TMEM117: variants seen among roughly 807,000 people sequenced by gnomAD.
TMEM117 encodes the protein transmembrane protein 117.
TMEM117 carries 27 observed loss-of-function variants against 52.4 expected under a neutral mutation model. The ratio of observed to expected loss-of-function variants is 0.51; its 90% CI spans 0.38 to 0.71. The LOEUF (loss-of-function observed/expected upper bound fraction) is 0.71, where lower values mean the gene tolerates loss of function less well. TMEM117 is among the 30% of genes least tolerant of loss of function. The probability of loss-of-function intolerance (pLI) is 0.00; values close to 1 mark genes in which losing one functional copy is unlikely to be tolerated. For missense variants in TMEM117, 556 were observed against 630.5 expected, an observed-to-expected ratio of 0.88 and a Z score of 1.26; for synonymous variants, 215 against 206.3, an observed-to-expected ratio of 1.04 and a Z score of -0.36.
intron 5 of TMEM117, among the ~76,000 whole-genome samples, chr12:44,258,175 A>G (rs1355476867): frequency 2.0e-5 from 3 of 152,094 alleles, no homozygotes; most frequent in Admixed American, 6.6e-5. Flanking sequence ...AACAAAATGC[A>G]TTTTTTATGT....
chr12:44,346,957 G>A (rs1285242072), intron 6 of TMEM117, among the ~76,000 whole-genome samples: 2 of 152,022 alleles, frequency 1.3e-5, no homozygotes, highest in Non-Finnish European at 2.9e-5. Flanking sequence ...CTAGGCCAAT[G>A]AATTAGTTTT....
At chr12:44,115,789 T>A (rs1948131040) in intron 3 of TMEM117, among the ~76,000 whole-genome samples, 1 of 152,216 alleles carries the variant, frequency 6.6e-6, no homozygotes, top group African/African-American at 2.4e-5. Context: ...CCTGGGCTGG[T>A]GTCTCTGCAC....
intron 4 of TMEM117, among the ~76,000 whole-genome samples, chr12:44,185,348 T>G (rs1343177699): frequency 6.6e-6 from 1 of 152,142 alleles, no homozygotes; most frequent in African/African-American, 2.4e-5. Context: ...GATAAAGATT[T>G]TTTCCTATTT....
chr12:43,800,399 A>G, the TMEM117 span: 2 of 1,512,212 alleles, frequency 1.3e-6, no homozygotes, highest in Admixed American at 1.8e-5. Flanking sequence ...AATCATTTTA[A>G]TTGCAACATA....
intron 3 of TMEM117, chr12:44,073,448 A>G (rs1053646246): frequency 1.3e-5 from 2 of 152,110 alleles, no homozygotes; most frequent in Non-Finnish European, 2.9e-5. Flanking sequence ...TTAAGTAACT[A>G]AAGAATGTAA....
At chr12:44,137,505 T>C (rs554171087) in intron 3 of TMEM117, among the ~76,000 whole-genome samples, 34 of 152,110 alleles carry the variant, frequency 2.2e-4, no homozygotes, top group Non-Finnish European at 4.6e-4. Flanking sequence ...TTCTTATCCA[T>C]GTTGTCTTAG....
rs569831416 is a variant in TMEM117, at chr12:43,995,660, A to AG, written c.410+51319dup. ...GCAATATACACTGTACCCAATATGT[A>AG]GTCTTTCATCTCTCACCTCCCTCCC... is the stretch of plus-strand genomic sequence containing the variant. On this transcript the variant is annotated intron_variant, in intron 3 of 7. Coordinates refer to ENST00000266534, the MANE Select transcript of TMEM117 (RefSeq NM_032256.3). 2.0e-5 allele frequency among the ~76,000 whole-genome samples: 3 copies of AG among 152,308 alleles called. No homozygotes were observed. In the South Asian group the frequency reaches 6.2e-4, roughly 32 times the overall value.
intron 2 of TMEM117, among the ~76,000 whole-genome samples, chr12:43,902,079 TTC>T (rs1172727824): frequency 6.6e-6 from 1 of 152,242 alleles, no homozygotes; most frequent in Non-Finnish European, 1.5e-5. Flanking sequence ...CAATTGTGCA[TTC>T]TGTTAGTGAA....
chr12:43,969,558 A>G (rs530555226), intron 3 of TMEM117, among the ~76,000 whole-genome samples: 17 of 152,026 alleles, frequency 1.1e-4, no homozygotes, highest in African/African-American at 4.1e-4. Context: ...TTATATTTTC[A>G]TCCTCGTATG....
At chr12:44,034,539 T>G (rs991302958) in intron 3 of TMEM117, among the ~76,000 whole-genome samples, 1 of 152,238 alleles carries the variant, frequency 6.6e-6, no homozygotes, top group Non-Finnish European at 1.5e-5. Flanking sequence ...GTTAGAATTC[T>G]GCAAATGCAG....
chr12:44,204,495 G>A (rs1158899132), intron 4 of TMEM117, among the ~76,000 whole-genome samples: 1 of 151,948 alleles, frequency 6.6e-6, no homozygotes, highest in African/African-American at 2.4e-5. Flanking sequence ...TGTATTTTCT[G>A]CAGCAATTTA....
chr12:44,009,763 C>G (rs1282202033), intron 3 of TMEM117: 4 of 264,154 alleles, frequency 1.5e-5, no homozygotes. Flanking sequence ...GTTCTCTCTG[C>G]AAGCGTTTCA....
chr12:44,108,266 A>C (rs1462208931), intron 3 of TMEM117, among the ~76,000 whole-genome samples: 8 of 148,864 alleles, frequency 5.4e-5, no homozygotes, highest in African/African-American at 9.9e-5. Flanking sequence ...CAGGTTAGTT[A>C]CATATGTATA....
chr12:43,878,338 A>G (rs761167923), intron 2 of TMEM117, among the ~76,000 whole-genome samples: 2 of 152,192 alleles, frequency 1.3e-5, no homozygotes, highest in Non-Finnish European at 2.9e-5. Context: ...TTCTCAAGTC[A>G]TTGATGTTCT....
At chr12:43,950,112 T>C (rs891165886) in intron 3 of TMEM117, among the ~76,000 whole-genome samples, 2 of 152,202 alleles carry the variant, frequency 1.3e-5, no homozygotes, top group African/African-American at 2.4e-5. Flanking sequence ...AAGGAACCAA[T>C]ACTCTGATTT....
At chr12:44,337,923 G>A (rs1248057167) in intron 6 of TMEM117, among the ~76,000 whole-genome samples, 4 of 152,072 alleles carry the variant, frequency 2.6e-5, no homozygotes, top group Non-Finnish European at 5.9e-5. Context: ...GAGCAGCCAT[G>A]AATGATTAAG....
At chr12:43,969,477 G>A (rs909748285) in intron 3 of TMEM117, among the ~76,000 whole-genome samples, 8 of 150,532 alleles carry the variant, frequency 5.3e-5, no homozygotes, top group African/African-American at 1.5e-4. Flanking sequence ...AGCCAAGATC[G>A]CACCACTGCA....
At chr12:44,335,244 G>A (rs528968820) in intron 6 of TMEM117, among the ~76,000 whole-genome samples, 2 of 151,980 alleles carry the variant, frequency 1.3e-5, no homozygotes, top group South Asian at 2.1e-4. Flanking sequence ...GAAAGGTGGG[G>A]TCAGAAATAT....
At chr12:44,324,032 ATCATT>A (rs1951166442) in intron 6 of TMEM117, among the ~76,000 whole-genome samples, 1 of 152,016 alleles carries the variant, frequency 6.6e-6, no homozygotes, top group Admixed American at 6.6e-5. Flanking sequence ...TCATTTTGAC[ATCATT>A]TCAATAATTT....
Sources: allele counts gnomAD v4.1 joint callset (sites outside exome capture counted in the v4.1 genomes callset), GRCh38; gene constraint gnomAD v4.1.1; transcripts MANE v1.5; gene names NCBI Gene and HGNC (gene_info 2026-07-23, HGNC 2026-07-21).